Variants in MARCHF1 observed in about 807,000 individuals in gnomAD.
MARCHF1 encodes the protein membrane associated ring-CH-type finger 1.
In MARCHF1, 40 loss-of-function variants were observed where a neutral mutation model predicts 54.2. The observed-to-expected ratio is 0.74, with a 90% confidence interval of 0.57 to 0.96. MARCHF1 has a LOEUF of 0.96. Ranked by LOEUF, MARCHF1 falls within the 40% of genes least tolerant of loss-of-function variation. The pLI is 0.00. For missense variants in MARCHF1, 586 were observed against 656.5 expected (o/e 0.89, Z 1.17); for synonymous variants, 236 against 236.3 (o/e 1.00, Z 0.01).
chr4:163,922,971 T>C (rs1440931171), intron 3 of MARCHF1, among the ~76,000 whole-genome samples: 2 of 152,052 alleles, frequency 1.3e-5, no homozygotes, highest in African/African-American at 2.4e-5. Context: ...AGCAAAGCTA[T>C]AGAGATAGAG....
At chr4:163,562,117 T>C (rs961211347) in intron 8 of MARCHF1, among the ~76,000 whole-genome samples, 4 of 152,062 alleles carry the variant, frequency 2.6e-5, no homozygotes, top group African/African-American at 9.6e-5. Context: ...GCCAACATGG[T>C]GAAACCCCGT....
chr4:164,162,606 C>A (rs1478563098), intron 1 of MARCHF1, among the ~76,000 whole-genome samples: 2 of 152,072 alleles, frequency 1.3e-5, no homozygotes, highest in Non-Finnish European at 2.9e-5. Flanking sequence ...ACATGTCATC[C>A]TTTTAGGGAA....
chr4:163,967,777 T>C (rs1028116036), intron 3 of MARCHF1, among the ~76,000 whole-genome samples: 2 of 152,138 alleles, frequency 1.3e-5, no homozygotes, highest in Non-Finnish European at 2.9e-5. Context: ...AAGCCTAAAA[T>C]ATGCAGTGTG....
intron 2 of MARCHF1, among the ~76,000 whole-genome samples, chr4:164,054,725 C>A (rs905538785): frequency 4.6e-4 from 61 of 132,462 alleles, no homozygotes; most frequent in African/African-American, 1.7e-3. Context: ...GGGAATTGAA[C>A]AATGAGATCA....
intron 1 of MARCHF1, among the ~76,000 whole-genome samples, chr4:164,327,494 G>A (rs1270424571): frequency 6.6e-6 from 1 of 152,180 alleles, no homozygotes. Context: ...TGTCAGGTCA[G>A]TGAAATGACA....
At position 164,103,008 on chromosome 4, in the gene MARCHF1, G is replaced by A. The variant is rs1255567795; in HGVS notation, c.-248+8580C>T. On this transcript the variant is annotated intron_variant, in intron 2 of 9. Coordinates refer to ENST00000514618, the MANE Select transcript of MARCHF1 (RefSeq NM_001394959.1). The stretch of plus-strand genomic sequence containing the variant: ...GACTTTAAACCAACAAAGATCAAAA[G>A]AGACAAAGAAGGCCATTACATAATG... Among the ~76,000 whole-genome samples, 3 of 126,506 alleles carry A rather than the reference G, an allele frequency of 2.4e-5. No homozygotes were observed. The East Asian group carries it at 6.1e-4, about 26-fold the overall frequency. 83.0% of individuals were successfully genotyped at this position (126,506 alleles called of 152,430 possible). A position where few individuals can be genotyped will look rare whatever the true frequency, so the allele number is the denominator to read the frequency against.
rs188280836 is a variant in MARCHF1, at chr4:163,692,273, T to C, written c.162+8540A>G. 2.6e-5 allele frequency among the ~76,000 whole-genome samples: 4 copies of C among 152,302 alleles called. No individual in the cohort carries two copies. In the East Asian group the frequency reaches 5.8e-4, roughly 22 times the overall value. Reference sequence around the variant, plus strand: ...AGTGAAGAAATAGTTATTGCCCTCATAGAAGTTAAACCAATAAAAAATATA... The same window carrying C: ...AGTGAAGAAATAGTTATTGCCCTCACAGAAGTTAAACCAATAAAAAATATA... On this transcript the variant is annotated intron_variant, in intron 5 of 9. Transcript: ENST00000514618.
At chr4:163,682,675 C>A (rs1561016654) in intron 5 of MARCHF1, among the ~76,000 whole-genome samples, 1 of 152,098 alleles carries the variant, frequency 6.6e-6, no homozygotes, top group South Asian at 2.1e-4. Flanking sequence ...GGGGTGGTTA[C>A]CCCCATGCTG....
intron 2 of MARCHF1, among the ~76,000 whole-genome samples, chr4:164,032,707 G>C (rs1314755322): frequency 6.6e-6 from 1 of 152,074 alleles, no homozygotes; most frequent in East Asian, 1.9e-4. Flanking sequence ...ACCGTTTTTA[G>C]GATTTCAGTT....
chr4:164,098,606 A>G (rs1167543459), intron 2 of MARCHF1, among the ~76,000 whole-genome samples: 3 of 152,238 alleles, frequency 2.0e-5, no homozygotes, highest in Non-Finnish European at 4.4e-5. Context: ...TGTCACAACG[A>G]AAGTGATAGA....
chr4:164,296,204 T>C (rs1438815303), intron 1 of MARCHF1, among the ~76,000 whole-genome samples: 1 of 152,168 alleles, frequency 6.6e-6, no homozygotes, highest in Non-Finnish European at 1.5e-5. Flanking sequence ...ACCAAATCAA[T>C]CAAACAATCA....
chr4:164,213,247 T>TATC (rs1731831835), intron 1 of MARCHF1, among the ~76,000 whole-genome samples: 2 of 134,506 alleles, frequency 1.5e-5, no homozygotes, highest in South Asian at 4.6e-4. Context: ...TTATTATTAT[T>TATC]ATTTGAGATG....
intron 5 of MARCHF1, among the ~76,000 whole-genome samples, chr4:163,646,333 A>G (rs1560995535): frequency 1.3e-5 from 2 of 152,148 alleles, no homozygotes; most frequent in African/African-American, 2.4e-5. Context: ...ACTTTCCTAG[A>G]CAAAGCTGAG....
At chr4:164,294,819 A>G (rs1734371374) in intron 1 of MARCHF1, among the ~76,000 whole-genome samples, 1 of 152,200 alleles carries the variant, frequency 6.6e-6, no homozygotes, top group South Asian at 2.1e-4. Flanking sequence ...AAGTAATTGC[A>G]ATATATTGTA....
intron 3 of MARCHF1, among the ~76,000 whole-genome samples, chr4:163,916,127 G>T (rs1007551911): frequency 6.6e-6 from 1 of 152,150 alleles, no homozygotes; most frequent in African/African-American, 2.4e-5. Context: ...TGCCAGTGAT[G>T]AGGCAGGTTG....
chr4:163,881,196 C>T (rs760976586), intron 3 of MARCHF1, among the ~76,000 whole-genome samples: 4 of 152,138 alleles, frequency 2.6e-5, no homozygotes, highest in African/African-American at 4.8e-5. Context: ...CCAACAAGGC[C>T]GGGCATGGTG....
intron 1 of MARCHF1, among the ~76,000 whole-genome samples, chr4:164,180,410 A>G (rs1440369336): frequency 6.6e-6 from 1 of 152,202 alleles, no homozygotes; most frequent in Non-Finnish European, 1.5e-5. Context: ...AAAAATTGCT[A>G]CCTAATAGTA....
chr4:163,625,653 A>G (rs1741845083), intron 5 of MARCHF1, among the ~76,000 whole-genome samples: 1 of 152,250 alleles, frequency 6.6e-6, no homozygotes, highest in Admixed American at 6.5e-5. Flanking sequence ...CACTGTAACA[A>G]AATGAATGAA....
intron 1 of MARCHF1, among the ~76,000 whole-genome samples, chr4:164,254,043 T>C (rs940617703): frequency 1.3e-5 from 2 of 152,066 alleles, no homozygotes; most frequent in African/African-American, 2.4e-5. Flanking sequence ...TATGAATGAG[T>C]TCCTTTGTGG....
Sources: allele counts gnomAD v4.1 joint callset (sites outside exome capture counted in the v4.1 genomes callset), GRCh38; gene constraint gnomAD v4.1.1; transcripts MANE v1.5; gene names NCBI Gene and HGNC (gene_info 2026-07-23, HGNC 2026-07-21).